AFG2A: variants seen among roughly 807,000 people sequenced by gnomAD.
AFG2A encodes ATPase family gene 2 protein homolog A.
chr4:123,244,378 A>G, the AFG2A span, among the ~76,000 whole-genome samples: 1 of 152,242 alleles, frequency 6.6e-6, no homozygotes, highest in Non-Finnish European at 1.5e-5. Context: ...GGTGAGAGAC[A>G]GAAACACGCT....
chr4:123,186,778 C>T, the AFG2A span, among the ~76,000 whole-genome samples: 5 of 151,744 alleles, frequency 3.3e-5, no homozygotes, highest in African/African-American at 9.7e-5. Flanking sequence ...GTAAAGCTGG[C>T]GGGTGGGGAG....
At chr4:123,092,247 T>A in the AFG2A span, among the ~76,000 whole-genome samples, 1 of 152,216 alleles carries the variant, frequency 6.6e-6, no homozygotes, top group Non-Finnish European at 1.5e-5. Flanking sequence ...TAATTCTGCC[T>A]CTGGTTTCAC....
At chr4:123,014,946 C>G in the AFG2A span, among the ~76,000 whole-genome samples, 1 of 152,034 alleles carries the variant, frequency 6.6e-6, no homozygotes, top group South Asian at 2.1e-4. Flanking sequence ...TTTCTGTACT[C>G]CCATCTGTGA....
At chr4:123,207,285 CTTTTTT>C in the AFG2A span, among the ~76,000 whole-genome samples, 2 of 108,486 alleles carry the variant, frequency 1.8e-5, no homozygotes, top group Non-Finnish European at 3.5e-5. Flanking sequence ...GTTGTGTTTC[CTTTTTT>C]TTTTTTTTTT....
chr4:123,020,212 C>T, the AFG2A span, among the ~76,000 whole-genome samples: 1 of 152,056 alleles, frequency 6.6e-6, no homozygotes, highest in African/African-American at 2.4e-5. Context: ...CACATGCACA[C>T]AGACACACAC....
the AFG2A span, among the ~76,000 whole-genome samples, chr4:123,132,432 C>T: frequency 6.6e-6 from 1 of 151,838 alleles, no homozygotes; most frequent in Non-Finnish European, 1.5e-5. Context: ...TTTCAGAGTT[C>T]ATCCATGTTG....
chr4:123,232,043 A>T, the AFG2A span, among the ~76,000 whole-genome samples: 1 of 152,050 alleles, frequency 6.6e-6, no homozygotes, highest in East Asian at 1.9e-4. Flanking sequence ...ATGTGACACA[A>T]AGACAAGAAG....
At chr4:123,024,250 A>C in the AFG2A span, among the ~76,000 whole-genome samples, 2 of 151,318 alleles carry the variant, frequency 1.3e-5, no homozygotes, top group South Asian at 4.2e-4. Flanking sequence ...AAGAAACAAA[A>C]GAAAAAATAA....
chr4:123,130,664 A>G, the AFG2A span, among the ~76,000 whole-genome samples: 5,568 of 152,336 alleles, frequency 0.037, 339 homozygotes, highest in African/African-American at 0.13. Flanking sequence ...ATAATAAACA[A>G]TAAAGGACAT....
the AFG2A span, among the ~76,000 whole-genome samples, chr4:123,114,502 G>A: frequency 1.3e-5 from 2 of 152,226 alleles, no homozygotes; most frequent in East Asian, 3.9e-4. Flanking sequence ...AAGGTGGCAG[G>A]AGGCTGGTGT....
At chr4:123,125,435 C>T in the AFG2A span, among the ~76,000 whole-genome samples, 3,227 of 152,250 alleles carry the variant, frequency 0.021, 65 homozygotes, top group Non-Finnish European at 0.035. Context: ...CAGAGAAGGA[C>T]ATTTTTTGCC....
At chr4:123,256,163 G>A in the AFG2A span, 12 of 1,613,888 alleles carry the variant, frequency 7.4e-6, no homozygotes, top group Middle Eastern at 1.6e-4. Flanking sequence ...TCAAACCGAC[G>A]CATACTCAGG....
chr4:123,313,003 A>G, the AFG2A span, among the ~76,000 whole-genome samples: 1 of 152,152 alleles, frequency 6.6e-6, no homozygotes, highest in Non-Finnish European at 1.5e-5. Context: ...GTCAATATCA[A>G]TCACTGTTTT....
chr4:123,259,509 T>C, the AFG2A span, among the ~76,000 whole-genome samples: 51 of 152,358 alleles, frequency 3.3e-4, no homozygotes, highest in African/African-American at 1.1e-3. Context: ...CCTGTGGCTA[T>C]GGCCCTCATT....
chr4:123,004,089 C>T, the AFG2A span, among the ~76,000 whole-genome samples: 10 of 152,298 alleles, frequency 6.6e-5, no homozygotes, highest in Admixed American at 3.3e-4. Context: ...AGCGAGACTC[C>T]GTGGGCGTAG....
At chr4:123,244,662 T>C in the AFG2A span, among the ~76,000 whole-genome samples, 1 of 152,224 alleles carries the variant, frequency 6.6e-6, no homozygotes, top group Non-Finnish European at 1.5e-5. Context: ...TATCATCCAT[T>C]CTTTGTAGTA....
chr4:122,937,450 A>C, the AFG2A span, among the ~76,000 whole-genome samples: 1 of 152,054 alleles, frequency 6.6e-6, no homozygotes, highest in Non-Finnish European at 1.5e-5. Context: ...CAGCCTCCCA[A>C]AATGCTGGCT....
At chr4:123,314,068 AAT>A in the AFG2A span, 3 of 1,523,774 alleles carry the variant, frequency 2.0e-6, no homozygotes, top group Non-Finnish European at 2.6e-6. Flanking sequence ...ACTCTGAGAA[AAT>A]ATATATATTC....
At chr4:123,181,715 G>T in the AFG2A span, among the ~76,000 whole-genome samples, 1 of 152,196 alleles carries the variant, frequency 6.6e-6, no homozygotes, top group Non-Finnish European at 1.5e-5. Flanking sequence ...TTGGGGCCTA[G>T]TTCTAGATCA....
Sources: gnomAD v4.1 joint callset for allele counts (sites outside exome capture counted in the v4.1 genomes callset) on GRCh38, gnomAD v4.1.1 for gene constraint, MANE v1.5 for transcripts, NCBI Gene and HGNC (gene_info 2026-07-23, HGNC 2026-07-21) for gene names.